The following CDH8 variants were observed in gnomAD, a reference collection of about 807,000 sequenced individuals.
The protein encoded by CDH8 is cadherin-8.
CDH8 carries 17 observed loss-of-function variants against 68.1 expected under a neutral mutation model. The ratio of observed to expected loss-of-function variants is 0.25; its 90% CI spans 0.17 to 0.37. CDH8 has a LOEUF of 0.37. Among genes scored for constraint, CDH8 ranks in the 10% least tolerant of loss-of-function variants. CDH8 has a pLI of 1.00. For synonymous variants in CDH8, 372 were observed against 365.1 expected (o/e 1.02, Z -0.21); for missense variants, 763 against 999.3 (o/e 0.76, Z 3.19).
At chr16:61,818,173 T>A in intron 6 of CDH8, 1 of 159,522 alleles carries the variant, frequency 6.3e-6, no homozygotes, top group South Asian at 1.8e-4. Flanking sequence ...GAGTGTGAAA[T>A]GTAAAGAACT....
chr16:61,904,601 A>C (rs79753370), intron 2 of CDH8, among the ~76,000 whole-genome samples: 14,859 of 152,264 alleles, frequency 0.098, 917 homozygotes, highest in African/African-American at 0.16. Flanking sequence ...GGTCAAGGAG[A>C]AAAATACAAA....
At chr16:61,963,879 C>T (rs1197291315) in intron 2 of CDH8, among the ~76,000 whole-genome samples, 3 of 152,198 alleles carry the variant, frequency 2.0e-5, no homozygotes, top group Non-Finnish European at 4.4e-5. Flanking sequence ...CCCTTTCTAT[C>T]TTGCTTATCT....
chr16:61,666,406 A>G (rs1963680048), intron 10 of CDH8, among the ~76,000 whole-genome samples: 1 of 152,010 alleles, frequency 6.6e-6, no homozygotes. Context: ...AGATAGAATA[A>G]AACAGGCAAA....
intron 10 of CDH8, among the ~76,000 whole-genome samples, chr16:61,711,135 A>G (rs1964623328): frequency 1.3e-5 from 2 of 151,956 alleles, no homozygotes; most frequent in African/African-American, 4.8e-5. Flanking sequence ...TAGTAGAATT[A>G]TTTGTGAAAT....
intron 2 of CDH8, among the ~76,000 whole-genome samples, chr16:61,995,789 G>A (rs1208465338): frequency 6.6e-6 from 1 of 152,192 alleles, no homozygotes; most frequent in Non-Finnish European, 1.5e-5. Context: ...TCTCATTACT[G>A]TATAATTAAA....
At chr16:62,017,937 T>C (rs533006926) in intron 2 of CDH8, among the ~76,000 whole-genome samples, 1 of 152,244 alleles carries the variant, frequency 6.6e-6, no homozygotes, top group East Asian at 1.9e-4. Flanking sequence ...CAGAGTCTTG[T>C]TATTCACCTA....
intron 8 of CDH8, among the ~76,000 whole-genome samples, chr16:61,769,356 C>T (rs996333116): frequency 6.6e-6 from 1 of 151,718 alleles, no homozygotes; most frequent in African/African-American, 2.4e-5. Flanking sequence ...TATACAACAA[C>T]ATAGAAAGGT....
chr16:61,759,297 A>G (rs1567457079), intron 8 of CDH8, among the ~76,000 whole-genome samples: 1 of 152,192 alleles, frequency 6.6e-6, no homozygotes, highest in Non-Finnish European at 1.5e-5. Flanking sequence ...TTGAGAAGAC[A>G]TCTCAGTTAC....
chr16:61,667,159 C>T (rs896672875), intron 10 of CDH8: 4 of 151,952 alleles, frequency 2.6e-5, no homozygotes, highest in African/African-American at 9.7e-5. Context: ...GACTGCTTTC[C>T]ATTTTCTCAT....
intron 1 of CDH8, among the ~76,000 whole-genome samples, chr16:62,034,439 G>A (rs930319872): frequency 2.0e-5 from 3 of 152,114 alleles, no homozygotes; most frequent in African/African-American, 7.2e-5. Flanking sequence ...AAAGCCTGAG[G>A]TGACAGCCCA....
rs113848772 is a variant in CDH8, at chr16:61,999,669, C to A, written c.252+21483G>T. Among the ~76,000 whole-genome samples the A allele has an allele frequency of 2.5e-3, 381 of 151,832 alleles. 3 individuals are homozygous for A. Among genetic ancestry groups the A allele is most frequent in the African/African-American group, 8.8e-3 (365 of 41,396 alleles). ...GGTAGTGATTATGACTTTAAAGGAC[C>A]CTGAAAAATGTCATACACATGCATA... On this transcript the variant is annotated intron_variant, in intron 2 of 11. Coordinates refer to ENST00000577390, the MANE Select transcript of CDH8 (RefSeq NM_001796.5).
chr16:61,763,744 T>C (rs1960522514), intron 8 of CDH8, among the ~76,000 whole-genome samples: 2 of 152,216 alleles, frequency 1.3e-5, no homozygotes, highest in African/African-American at 4.8e-5. Context: ...GGAAGGGTAG[T>C]TTTTAATTCT....
chr16:61,799,656 T>C (rs781723017), intron 7 of CDH8, among the ~76,000 whole-genome samples: 1 of 152,186 alleles, frequency 6.6e-6, no homozygotes, highest in African/African-American at 2.4e-5. Flanking sequence ...TATTTGATTA[T>C]GTAAGTGGTT....
intron 3 of CDH8, among the ~76,000 whole-genome samples, chr16:61,880,624 T>C (rs1364505109): frequency 6.6e-6 from 1 of 151,542 alleles, no homozygotes; most frequent in Non-Finnish European, 1.5e-5. Context: ...TTGTATTTAT[T>C]ATAAAATGAC....
At chr16:61,876,535 T>C (rs1317928897) in intron 3 of CDH8, among the ~76,000 whole-genome samples, 5 of 152,090 alleles carry the variant, frequency 3.3e-5, no homozygotes, top group Non-Finnish European at 4.4e-5. Flanking sequence ...TCAAATATCC[T>C]TGGAAACTAG....
chr16:61,951,466 T>C (rs1964896396), intron 2 of CDH8, among the ~76,000 whole-genome samples: 1 of 144,118 alleles, frequency 6.9e-6, no homozygotes, highest in Non-Finnish European at 1.5e-5. Context: ...TGAGCCGAGA[T>C]CATGCCACTG....
At chr16:61,875,847 G>C (rs752752516) in intron 3 of CDH8, among the ~76,000 whole-genome samples, 4 of 152,040 alleles carry the variant, frequency 2.6e-5, no homozygotes, top group Non-Finnish European at 5.9e-5. Flanking sequence ...AAGCTATTGT[G>C]ACCAAAATAG....
intron 7 of CDH8, among the ~76,000 whole-genome samples, chr16:61,804,791 G>C (rs1435744606): frequency 1.5e-5 from 2 of 133,258 alleles, no homozygotes; most frequent in Non-Finnish European, 3.1e-5. Context: ...TCTCTGAATA[G>C]ACCAATAAAA....
intron 7 of CDH8, among the ~76,000 whole-genome samples, chr16:61,790,598 T>G (rs1427244639): frequency 6.6e-6 from 1 of 152,050 alleles, no homozygotes; most frequent in Non-Finnish European, 1.5e-5. Context: ...TGAAGCATGG[T>G]CCATGCCAGT....
Sources: gnomAD v4.1 joint callset for allele counts (sites outside exome capture counted in the v4.1 genomes callset) on GRCh38, gnomAD v4.1.1 for gene constraint, MANE v1.5 for transcripts, NCBI Gene and HGNC (gene_info 2026-07-23, HGNC 2026-07-21) for gene names.